The following MCOLN2 variants were observed in gnomAD, a reference collection of about 807,000 sequenced individuals.
MCOLN2 encodes mucolipin-2.
In MCOLN2, 57 loss-of-function variants were observed where a neutral mutation model predicts 67.5. That is an observed-to-expected ratio of 0.84 (90% CI 0.68 to 1.05). MCOLN2 has a LOEUF of 1.05. Ranked by LOEUF, MCOLN2 falls within the 50% of genes least tolerant of loss-of-function variation. The pLI is 0.00. For synonymous variants in MCOLN2, 246 were observed against 233.3 expected, an observed-to-expected ratio of 1.05 and a Z score of -0.50; for missense variants, 620 against 678.8, an observed-to-expected ratio of 0.91 and a Z score of 0.96.
intron 7 of MCOLN2, among the ~76,000 whole-genome samples, chr1:84,944,347 A>G (rs146565606): frequency 0.029 from 4,475 of 152,202 alleles, 242 homozygotes; most frequent in African/African-American, 0.1. Context: ...AGCCTGGCCA[A>G]TATGATGAAA....
At position 84,956,352 on chromosome 1, in the gene MCOLN2, T is replaced by C. The variant is rs544139784; in HGVS notation, c.565+79A>G. Reference sequence around the variant, plus strand: ...CTCACCAAAGCAAAGTTTTTCCATCTGGGTTGCTAGCACATGAGGGCATTT... The same window carrying C: ...CTCACCAAAGCAAAGTTTTTCCATCCGGGTTGCTAGCACATGAGGGCATTT... On this transcript the variant is annotated intron_variant, in intron 4 of 13. Coordinates refer to ENST00000370608, the MANE Select transcript of MCOLN2 (RefSeq NM_153259.4). 4.8e-6 allele frequency: 7 copies of C among 1,451,306 alleles called. No homozygotes were observed. In the South Asian group the frequency reaches 5.0e-5, roughly 10 times the overall value. 89.9% of individuals were successfully genotyped at this position (1,451,306 alleles called of 1,614,324 possible).
Position 84,935,363 on chromosome 1 carries a change from A to C in MCOLN2, c.1335+2392T>G, listed in dbSNP as rs568691307. On this transcript the variant is annotated intron_variant, in intron 11 of 13. Coordinates refer to ENST00000370608, the MANE Select transcript of MCOLN2 (RefSeq NM_153259.4). Reference sequence around the variant, plus strand: ...TAAACAGACCTGCAGGCAACCCTACAGACATCCCTTATCCCTCCCCTCCTC... The same window carrying C: ...TAAACAGACCTGCAGGCAACCCTACCGACATCCCTTATCCCTCCCCTCCTC... Among the ~76,000 whole-genome samples the C allele has an allele frequency of 1.2e-3, 185 of 152,290 alleles. 2 individuals are homozygous for C. In the Middle Eastern group the frequency reaches 0.037, roughly 31 times the overall value.
intron 1 of MCOLN2, among the ~76,000 whole-genome samples, chr1:84,979,096 GTGGGTC>G (rs1481722550): frequency 6.6e-6 from 1 of 152,070 alleles, no homozygotes; most frequent in African/African-American, 2.4e-5. Context: ...CAGAATAAGG[GTGGGTC>G]TGCCTTTCCC....
intron 1 of MCOLN2, among the ~76,000 whole-genome samples, chr1:84,990,500 G>C (rs1650838799): frequency 6.6e-6 from 1 of 151,874 alleles, no homozygotes; most frequent in African/African-American, 2.4e-5. Flanking sequence ...AAAATAATGA[G>C]TTAGTTATAG....
chr1:84,952,373 A>G (rs1206168010), intron 5 of MCOLN2, 34 bp from the exon 6 acceptor site: 1 of 1,584,324 alleles, frequency 6.3e-7, no homozygotes, highest in South Asian at 1.1e-5. Flanking sequence ...ATAAATTGTC[A>G]TAATCTTACT....
At chr1:84,987,386 A>G (rs114565858) in intron 1 of MCOLN2, among the ~76,000 whole-genome samples, 18,106 of 135,556 alleles carry the variant, frequency 0.13, 1,312 homozygotes, top group East Asian at 0.22. Context: ...ATATAGATAT[A>G]TACATATGTA....
In MCOLN2 at chr1:84,925,892, AT is replaced by A. The variant is rs5775806; in HGVS notation, c.*792del. 0.02 allele frequency: 2,900 copies of A among 143,034 alleles called. 86 individuals are homozygous for A. Among genetic ancestry groups the A allele is most frequent in the East Asian group, 0.13 (647 of 4,938 alleles). The allele number at this position is 143,034 out of a possible 1,614,324, so 8.9% of individuals were successfully genotyped here. On this transcript the variant is annotated 3_prime_UTR_variant, in exon 14 of 14. Transcript: ENST00000370608. ...AGGTCTTTTTGTTGATTTAAGGGTG[AT>A]TTTTTTTTTTTTTTGAGACAGGATC...
Position 84,958,517 on chromosome 1 carries a change from C to T in MCOLN2, c.411+12G>A, listed in dbSNP as rs893981906. 1.3e-6 allele frequency: 2 copies of T among 1,593,788 alleles called. No individual in the cohort carries two copies. Among genetic ancestry groups the T allele is most frequent in the Non-Finnish European group, 1.7e-6 (2 of 1,175,272 alleles). ...TTGTTAAAGTATAGGTCATTCACAA[C>T]AAAACACTTGCCTGATTAATAGCAA... On this transcript the variant is annotated intron_variant, in intron 3 of 13. Transcript: ENST00000370608.
At chr1:84,963,277 A>T (rs143752186) in intron 2 of MCOLN2, among the ~76,000 whole-genome samples, 1 of 152,352 alleles carries the variant, frequency 6.6e-6, no homozygotes, top group Non-Finnish European at 1.5e-5. Flanking sequence ...GCAAACACTA[A>T]GCTAACTGTT....
In MCOLN2 at chr1:84,972,726, T is replaced by C. The variant is rs77610892; in HGVS notation, c.78-7018A>G. ...AAGGCTATCATATGATCAAGGGCAATTTCAGCTTTATCAAAACAATGACTA... is the reference window on the plus strand; with the variant it reads ...AAGGCTATCATATGATCAAGGGCAACTTCAGCTTTATCAAAACAATGACTA... On this transcript the variant is annotated intron_variant, in intron 1 of 13. Coordinates refer to ENST00000370608, the MANE Select transcript of MCOLN2 (RefSeq NM_153259.4). 8.7e-3 allele frequency among the ~76,000 whole-genome samples: 1,325 copies of C among 152,296 alleles called. 22 individuals carry two copies. Among genetic ancestry groups the C allele is most frequent in the African/African-American group, 0.031 (1,272 of 41,564 alleles).
At chr1:84,976,322 T>A (rs1649992391) in intron 1 of MCOLN2, among the ~76,000 whole-genome samples, 1 of 152,058 alleles carries the variant, frequency 6.6e-6, no homozygotes, top group Non-Finnish European at 1.5e-5. Flanking sequence ...CAATGAAGCA[T>A]CAATACATCT....
chr1:84,978,711 C>T (rs188806912), intron 1 of MCOLN2, among the ~76,000 whole-genome samples: 60 of 152,166 alleles, frequency 3.9e-4, no homozygotes, highest in Non-Finnish European at 7.4e-4. Flanking sequence ...CAGGAAGTCT[C>T]CCAGCATAGA....
chr1:84,973,582 G>A (rs534258403), intron 1 of MCOLN2, among the ~76,000 whole-genome samples: 1 of 152,166 alleles, frequency 6.6e-6, no homozygotes, highest in South Asian at 2.1e-4. Context: ...GTTCATGGTG[G>A]TACCCCCATT....
chr1:84,955,326 C>T (rs916257500), intron 4 of MCOLN2, among the ~76,000 whole-genome samples: 1 of 152,100 alleles, frequency 6.6e-6, no homozygotes, highest in Non-Finnish European at 1.5e-5. Context: ...GGGGAGTCCA[C>T]CTTAGGAAAG....
intron 11 of MCOLN2, among the ~76,000 whole-genome samples, chr1:84,937,184 A>G (rs1363202071): frequency 6.6e-6 from 1 of 152,236 alleles, no homozygotes; most frequent in Admixed American, 6.5e-5. Context: ...CACAACTTTG[A>G]TGTCCCTGAG....
chr1:84,996,893 C>G lies in MCOLN2; in HGVS notation c.-21G>C. ...GCCATGCCTCCTCCTTCAAAACTTTCCAGGGCTCTCGGGATTCGGAACAGG... is the reference window on the plus strand; with the variant it reads ...GCCATGCCTCCTCCTTCAAAACTTTGCAGGGCTCTCGGGATTCGGAACAGG... On this transcript the variant is annotated 5_prime_UTR_variant, in exon 1 of 14. Coordinates refer to ENST00000370608, the MANE Select transcript of MCOLN2 (RefSeq NM_153259.4). 1 of 1,610,676 alleles carries G rather than the reference C, an allele frequency of 6.2e-7. No homozygotes were observed.
At chr1:84,951,325 T>A (rs1648428694) in intron 6 of MCOLN2, among the ~76,000 whole-genome samples, 1 of 152,194 alleles carries the variant, frequency 6.6e-6, no homozygotes, top group African/African-American at 2.4e-5. Flanking sequence ...TATACAACTT[T>A]CAGCTAGGCA....
intron 2 of MCOLN2, among the ~76,000 whole-genome samples, chr1:84,964,298 T>C (rs1422688786): frequency 6.6e-6 from 1 of 152,190 alleles, no homozygotes; most frequent in East Asian, 1.9e-4. Context: ...TTTCTAAAAC[T>C]AAAGGTATTT....
chr1:84,958,485 C>A, intron 3 of MCOLN2, 44 bp downstream of exon 3: 1 of 1,487,108 alleles, frequency 6.7e-7, no homozygotes, highest in South Asian at 1.3e-5. Flanking sequence ...GGCCAAGTAT[C>A]AATACATTGT....
Sources: gnomAD v4.1 joint callset for allele counts (sites outside exome capture counted in the v4.1 genomes callset) on GRCh38, gnomAD v4.1.1 for gene constraint, MANE v1.5 for transcripts, NCBI Gene and HGNC (gene_info 2026-07-23, HGNC 2026-07-21) for gene names.